VWA3A: variants seen among roughly 807,000 people sequenced by gnomAD.
VWA3A encodes von Willebrand factor A domain-containing protein 3A.
Under a neutral mutation model 160.4 loss-of-function variants are expected in VWA3A, and 134 were observed. That is an observed-to-expected ratio of 0.84 (90% CI 0.73 to 0.96). The LOEUF is 0.96. Among genes scored for constraint, VWA3A ranks in the 40% least tolerant of loss-of-function variants. VWA3A has a pLI of 0.00. For synonymous variants in VWA3A, 476 were observed against 543.4 expected (o/e 0.88, Z 1.72); for missense variants, 1,310 against 1,447.9 (o/e 0.90, Z 1.55).
At position 22,100,419 on chromosome 16, in the gene VWA3A, G is replaced by C; in HGVS notation, c.354G>C (p.Glu118Asp). ...DLISQGTEVLEEGTNVVQKIC... is the reference protein window; with the variant it reads ...DLISQGTEVLDEGTNVVQKIC... ...TCATAAGGCTTTGCTTCTTCAGGGA[G>C]GAGGGCACCAATGTCGTGCAGAAAA... The change falls in exon 5 of 34, where the codon GAG becomes GAC. Residue 118 changes from glutamate (E) to aspartate (D), a missense_variant. By Grantham distance (45) the Glu-to-Asp change is conservative (BLOSUM62 2). Transcript: ENST00000389398. 4 of 1,551,658 alleles carry C rather than the reference G, an allele frequency of 2.6e-6. No individual in the cohort carries two copies. Among genetic ancestry groups the C allele is most frequent in the Non-Finnish European group, 2.6e-6 (3 of 1,146,998 alleles).
intron 28 of VWA3A, among the ~76,000 whole-genome samples, chr16:22,148,616 T>C (rs2142019181): frequency 6.6e-6 from 1 of 152,136 alleles, no homozygotes; most frequent in African/African-American, 2.4e-5. Context: ...TCAAAACATT[T>C]AAAAATTAGC....
chr16:22,153,444 A>T (rs2142036037), intron 31 of VWA3A, among the ~76,000 whole-genome samples: 1 of 152,312 alleles, frequency 6.6e-6, no homozygotes, highest in East Asian at 1.9e-4. Context: ...ATTCCTGCAT[A>T]TTTGTGTCTT....
intron 17 of VWA3A, among the ~76,000 whole-genome samples, chr16:22,129,402 A>AAAGAAAGAAAGAAAG (rs2045909179): frequency 8.4e-6 from 1 of 118,980 alleles, no homozygotes; most frequent in African/African-American, 4.1e-5. Flanking sequence ...AAAAAAAAAA[A>AAAGAAAGAAAGAAAG]AAAGAAAGAA....
chr16:22,121,642 C>CTGTGG, intron 14 of VWA3A, 25 bp downstream of exon 14: 4 of 1,554,064 alleles, frequency 2.6e-6, no homozygotes, highest in Non-Finnish European at 3.6e-6. Context: ...TAATTCTCTC[C>CTGTGG]AGTCCTCCAC....
At chr16:22,120,251 C>T (rs1302247893) in intron 12 of VWA3A, among the ~76,000 whole-genome samples, 2 of 152,046 alleles carry the variant, frequency 1.3e-5, no homozygotes, top group East Asian at 1.9e-4. Flanking sequence ...CCAAGAGTTT[C>T]CCAAAATGAA....
chr16:22,120,042 C>T (rs2045706921), intron 12 of VWA3A, among the ~76,000 whole-genome samples: 1 of 151,842 alleles, frequency 6.6e-6, no homozygotes, highest in African/African-American at 2.4e-5. Context: ...TAATAGTTCT[C>T]ATTTATTAAG....
At chr16:22,097,808 AG>A (rs2045349187) in intron 3 of VWA3A, 113 bp downstream of exon 3, 1 of 1,375,442 alleles carries the variant, frequency 7.3e-7, no homozygotes, top group African/African-American at 1.5e-5. Flanking sequence ...GGACTGAAAA[AG>A]GAGTAATTAA....
chr16:22,128,029 C>G (rs2045882015), intron 17 of VWA3A, among the ~76,000 whole-genome samples: 1 of 151,964 alleles, frequency 6.6e-6, no homozygotes, highest in African/African-American at 2.4e-5. Flanking sequence ...AAAGGGTGTT[C>G]CAGGTAGAGG....
intron 1 of VWA3A, among the ~76,000 whole-genome samples, chr16:22,095,905 T>G (rs2045312737): frequency 6.6e-6 from 1 of 152,140 alleles, no homozygotes; most frequent in Admixed American, 6.6e-5. Flanking sequence ...CTTTCCACAC[T>G]TTCCACAATT....
At chr16:22,141,500 T>G (rs1431897377) in intron 23 of VWA3A, 82 bp from the exon 24 acceptor site, 1 of 1,320,204 alleles carries the variant, frequency 7.6e-7, no homozygotes, top group Admixed American at 2.0e-5. Flanking sequence ...TAGCTGAACT[T>G]GAGTGTCTCT....
intron 27 of VWA3A, chr16:22,147,701 C>T: frequency 4.3e-6 from 3 of 701,292 alleles, no homozygotes; most frequent in Non-Finnish European, 7.8e-6. Flanking sequence ...CTCTCTCCAC[C>T]CTCGGTTCAC....
intron 21 of VWA3A, among the ~76,000 whole-genome samples, chr16:22,136,713 A>C (rs560084394): frequency 3.3e-5 from 5 of 152,048 alleles, no homozygotes; most frequent in African/African-American, 1.2e-4. Context: ...GTCTTCCCCA[A>C]AAGGGACCCT....
intron 9 of VWA3A, among the ~76,000 whole-genome samples, chr16:22,115,866 G>A (rs2045623797): frequency 8.5e-5 from 1 of 11,808 alleles, no homozygotes; most frequent in Admixed American, 6.8e-4. Flanking sequence ...AGGAAGGAAG[G>A]AAGGAAGGAA....
intron 29 of VWA3A, among the ~76,000 whole-genome samples, 159 bp downstream of exon 29, chr16:22,150,090 C>G (rs1460194392): frequency 6.6e-6 from 1 of 152,204 alleles, no homozygotes; most frequent in Admixed American, 6.5e-5. Flanking sequence ...AAAGGATTCT[C>G]AATGTTCTCA....
Position 22,104,880 on chromosome 16 carries a change from A to G in VWA3A, c.483+1351A>G, listed in dbSNP as rs565903420. On this transcript the variant is annotated intron_variant, in intron 6 of 33. Coordinates refer to ENST00000389398, the MANE Select transcript of VWA3A (RefSeq NM_173615.5). The stretch of plus-strand genomic sequence containing the variant: ...TTGCCTTAAACCCTGGGAAAAGCAG[A>G]TGCTAAAAGTCATGCTCCCTACTCC... 2.6e-5 allele frequency among the ~76,000 whole-genome samples: 4 copies of G among 152,204 alleles called. No individual in the cohort carries two copies. In the South Asian group the frequency reaches 6.2e-4, roughly 24 times the overall value.
At chr16:22,117,231 A>G (rs968713182) in intron 11 of VWA3A, 55 bp downstream of exon 11, 107 of 1,539,926 alleles carry the variant, frequency 6.9e-5, no homozygotes, top group Non-Finnish European at 8.7e-5. Context: ...TCTGCCTCCA[A>G]GGTTGTACCC....
At position 22,121,086 on chromosome 16, in the gene VWA3A, AG is replaced by A. The variant is rs2045726450; in HGVS notation, c.1237del (p.Val413SerfsTer4). The A allele has an allele frequency of 6.2e-7, 1 of 1,613,820 alleles. No homozygotes were observed. Among genetic ancestry groups the A allele is most frequent in the African/African-American group, 1.3e-5 (1 of 74,910 alleles). ...GACAAGACTTCTGCAGAGTGGCTTA[AG>A]GTCAATGGTCTGAAAGGTAAATCTC... ...NLDKTSAEWL[K>X]VNGLKAKKLS... On this transcript the variant is annotated frameshift_variant, in exon 13 of 34. Coordinates refer to ENST00000389398, the MANE Select transcript of VWA3A (RefSeq NM_173615.5). LOFTEE classifies it high-confidence loss of function.
intron 16 of VWA3A, 50 bp from the exon 17 acceptor site, chr16:22,126,128 C>T: frequency 6.2e-7 from 1 of 1,605,482 alleles, no homozygotes; most frequent in Non-Finnish European, 8.5e-7. Flanking sequence ...ACAAAATAAA[C>T]ATTATCTCAG....
At chr16:22,131,840 T>C in intron 19 of VWA3A, 111 bp downstream of exon 19, 2 of 1,414,152 alleles carry the variant, frequency 1.4e-6, no homozygotes, top group Non-Finnish European at 9.4e-7. Context: ...CCAGTGCTTC[T>C]CAAACTTTAA....
Sources: gnomAD v4.1 joint callset for allele counts (sites outside exome capture counted in the v4.1 genomes callset) on GRCh38, gnomAD v4.1.1 for gene constraint, MANE v1.5 for transcripts, NCBI Gene and HGNC (gene_info 2026-07-23, HGNC 2026-07-21) for gene names.